Variants in FRMPD4 observed in about 807,000 individuals in gnomAD.
FRMPD4 encodes the protein FERM and PDZ domain-containing protein 4.
Under a neutral mutation model 94.1 loss-of-function variants are expected in FRMPD4, and 22 were observed. The ratio of observed to expected loss-of-function variants is 0.23; its 90% CI spans 0.17 to 0.33. The LOEUF (loss-of-function observed/expected upper bound fraction) is 0.33, where lower values mean the gene tolerates loss of function less well. Among genes scored for constraint, FRMPD4 ranks in the 10% least tolerant of loss-of-function variants. The pLI, the probability that FRMPD4 is intolerant of heterozygous loss-of-function variation, is 1.00. For synonymous variants in FRMPD4, 631 were observed against 548.6 expected, an observed-to-expected ratio of 1.15 and a Z score of -2.10; for missense variants, 1,111 against 1,339.9, an observed-to-expected ratio of 0.83 and a Z score of 2.67.
chrX:11,893,754 A>G (rs1259408528), intron 3 of FRMPD4, among the ~76,000 whole-genome samples: 1 of 111,514 alleles, frequency 9.0e-6, no homozygotes, highest in African/African-American at 3.3e-5. Context: ...CAATTTGCCT[A>G]GGTGCAACTA....
chrX:12,189,238 T>G (rs575863946), intron 1 of FRMPD4, among the ~76,000 whole-genome samples: 1 of 111,658 alleles, frequency 9.0e-6, no homozygotes, highest in African/African-American at 3.2e-5. Context: ...ATAGACAAAC[T>G]GAATACGCCT....
chrX:11,886,748 T>C (rs190807613), intron 3 of FRMPD4, among the ~76,000 whole-genome samples: 2 of 111,250 alleles, frequency 1.8e-5, no homozygotes, highest in East Asian at 5.6e-4. Context: ...TTTTTTTAAC[T>C]TTTTTGCTTA....
intron 1 of FRMPD4, among the ~76,000 whole-genome samples, chrX:12,287,131 A>G (rs1601780887): frequency 8.9e-6 from 1 of 112,609 alleles, no homozygotes; most frequent in East Asian, 2.8e-4. Context: ...GAATGCATTG[A>G]TGAACAAGGC....
In FRMPD4 at chrX:12,622,006, GAAA is replaced by G. The variant is rs1467121832; in HGVS notation, c.422+7126_422+7128del. On this transcript the variant is annotated intron_variant, in intron 4 of 16. Transcript: ENST00000675598. ...AGAAAGAAAGAAAGAAAGAAAGAAA[GAAA>G]GAAAGAAAGGAAGGAAGGAAGGAAG... is the stretch of plus-strand genomic sequence containing the variant. Among the ~76,000 whole-genome samples the G allele has an allele frequency of 4.5e-3, 222 of 48,855 alleles. 1 individual carries two copies. The highest frequency in any genetic ancestry group is 7.6e-3 in the Middle Eastern group (1 of 131). 42.4% of individuals were successfully genotyped at this position (48,855 alleles called of 115,157 possible).
Position 12,717,117 on chromosome X carries a change from G to A in FRMPD4, c.2658G>A (p.Gln886=). 1 of 1,158,180 alleles carries A rather than the reference G, an allele frequency of 8.6e-7. No individual in the cohort carries two copies. The highest frequency in any genetic ancestry group is 1.2e-6 in the Non-Finnish European group (1 of 858,695). The part of the protein sequence containing the change: ...LEALSVSEEQ[Q]TSDNSGVAIL... Reference sequence around the variant, plus strand: ...CTCTATCCGTGTCAGAAGAACAGCAGACCAGTGACAATTCAGGTTCTTTCA... The same window carrying A: ...CTCTATCCGTGTCAGAAGAACAGCAAACCAGTGACAATTCAGGTTCTTTCA... Residue 886 remains glutamine, a synonymous_variant, in exon 15 of 17, where the codon CAG becomes CAA. Coordinates refer to ENST00000675598, the MANE Select transcript of FRMPD4 (RefSeq NM_001368397.1).
Position 12,524,956 on chromosome X carries a change from C to A in FRMPD4, c.158+26160C>A, listed in dbSNP as rs764573916. ...ACATTGTGGGAAATGTTTTGCGATT[C>A]TTTTTTTGTTTTGTTTTTAGCTCAT... On this transcript the variant is annotated intron_variant, in intron 2 of 16. Coordinates refer to ENST00000675598, the MANE Select transcript of FRMPD4 (RefSeq NM_001368397.1). Among the ~76,000 whole-genome samples the A allele has an allele frequency of 1.3e-4, 15 of 111,297 alleles. No homozygotes were observed. The East Asian group carries it at 4.2e-3, about 32-fold the overall frequency.
At position 12,397,969 on chromosome X, in the gene FRMPD4, T is replaced by C. The variant is rs181713927; in HGVS notation, c.42-100711T>C. ...ATGTTTAACAGAACTGTTTACTTCT[T>C]AGCAGTAGGAGATGAGAGCCCCTAG... is the stretch of plus-strand genomic sequence containing the variant. On this transcript the variant is annotated intron_variant, in intron 1 of 16. Transcript: ENST00000675598. 2.0e-3 allele frequency among the ~76,000 whole-genome samples: 221 copies of C among 111,607 alleles called. 1 individual carries two copies. Among genetic ancestry groups the C allele is most frequent in the Middle Eastern group, 9.3e-3 (2 of 216 alleles).
At chrX:12,555,569 C>T (rs1157988637) in intron 2 of FRMPD4, among the ~76,000 whole-genome samples, 1 of 111,731 alleles carries the variant, frequency 9.0e-6, no homozygotes, top group Non-Finnish European at 1.9e-5. Flanking sequence ...GACAACTGAC[C>T]TTTTACCACC....
At chrX:12,543,133 A>C (rs2058435431) in intron 2 of FRMPD4, among the ~76,000 whole-genome samples, 1 of 110,914 alleles carries the variant, frequency 9.0e-6, no homozygotes, top group Admixed American at 9.6e-5. Context: ...AACCATAAAA[A>C]CCCTAGAAGA....
intron 3 of FRMPD4, among the ~76,000 whole-genome samples, chrX:12,131,636 GA>G (rs937421594): frequency 3.4e-4 from 37 of 108,639 alleles, no homozygotes; most frequent in Middle Eastern, 4.8e-3. Context: ...AAATATGAGA[GA>G]AAAAAAAACT....
intron 1 of FRMPD4, among the ~76,000 whole-genome samples, chrX:12,467,183 C>CAAA (rs34527820): frequency 6.2e-5 from 5 of 81,253 alleles, no homozygotes; most frequent in Non-Finnish European, 1.2e-4. Flanking sequence ...AATGTAGTCT[C>CAAA]AAAAAAAAAA....
intron 4 of FRMPD4, among the ~76,000 whole-genome samples, chrX:12,640,918 G>A (rs1486063036): frequency 9.0e-6 from 1 of 111,492 alleles, no homozygotes; most frequent in Non-Finnish European, 1.9e-5. Flanking sequence ...ATGGTGGCGT[G>A]CACCTGTAAT....
chrX:12,028,083 A>G (rs2054670663), intron 3 of FRMPD4, among the ~76,000 whole-genome samples: 1 of 112,017 alleles, frequency 8.9e-6, no homozygotes, highest in African/African-American at 3.2e-5. Context: ...TGGCTTAACT[A>G]CGTTCTCTGC....
chrX:11,912,262 A>C (rs1056126195), intron 3 of FRMPD4, among the ~76,000 whole-genome samples: 3 of 112,407 alleles, frequency 2.7e-5, no homozygotes, highest in Admixed American at 9.4e-5. Context: ...CAGGCTTGGA[A>C]TATTACCCTT....
At chrX:11,879,452 T>C (rs1327184099) in intron 3 of FRMPD4, among the ~76,000 whole-genome samples, 1 of 111,034 alleles carries the variant, frequency 9.0e-6, no homozygotes, top group African/African-American at 3.3e-5. Flanking sequence ...GTAAGAAATA[T>C]TTTAAATCAA....
At chrX:12,174,879 A>C (rs1856349700) in intron 1 of FRMPD4, among the ~76,000 whole-genome samples, 1 of 112,187 alleles carries the variant, frequency 8.9e-6, no homozygotes, top group African/African-American at 3.2e-5. Flanking sequence ...CTTATCTTTT[A>C]AAAATGTAAG....
chrX:12,353,696 G>T (rs1176746728), intron 1 of FRMPD4, among the ~76,000 whole-genome samples: 1 of 112,333 alleles, frequency 8.9e-6, no homozygotes, highest in Non-Finnish European at 1.9e-5. Context: ...TAAGCACCTG[G>T]CTTCTGATGT....
At chrX:12,512,839 AG>A (rs1382697301) in intron 2 of FRMPD4, among the ~76,000 whole-genome samples, 1 of 112,466 alleles carries the variant, frequency 8.9e-6, no homozygotes, top group Non-Finnish European at 1.9e-5. Flanking sequence ...CATTACCAAA[AG>A]TGTGAAAACA....
At chrX:12,170,132 A>G (rs370203941) in intron 1 of FRMPD4, among the ~76,000 whole-genome samples, 1 of 109,389 alleles carries the variant, frequency 9.1e-6, no homozygotes, top group Non-Finnish European at 1.9e-5. Flanking sequence ...ACTGAAGCCC[A>G]TTCTGCTTGC....
Sources: gnomAD v4.1 joint callset for allele counts (sites outside exome capture counted in the v4.1 genomes callset) on GRCh38, gnomAD v4.1.1 for gene constraint, MANE v1.5 for transcripts, NCBI Gene and HGNC (gene_info 2026-07-23, HGNC 2026-07-21) for gene names.